DPF3: variants seen among roughly 807,000 people sequenced by gnomAD.
DPF3 encodes the protein double PHD fingers 3, also known as zinc finger protein DPF3.
DPF3 carries 18 observed loss-of-function variants against 56.8 expected under a neutral mutation model. The observed-to-expected ratio is 0.32, with a 90% CI of 0.22 to 0.47. DPF3 has a LOEUF of 0.47. DPF3 is among the 20% of genes least tolerant of loss of function. DPF3 has a pLI of 1.00. For synonymous variants in DPF3, 188 were observed against 180.2 expected (o/e 1.04, Z -0.35); for missense variants, 403 against 488.8 (o/e 0.82, Z 1.65).
intron 6 of DPF3, among the ~76,000 whole-genome samples, chr14:72,706,287 C>G (rs1888400724): frequency 1.3e-5 from 2 of 152,210 alleles, no homozygotes; most frequent in African/African-American, 4.8e-5. Context: ...CGGGGCTGCA[C>G]TCTCTGACAC....
At chr14:72,882,596 C>T (rs967727500) in intron 1 of DPF3, among the ~76,000 whole-genome samples, 1 of 152,206 alleles carries the variant, frequency 6.6e-6, no homozygotes, top group African/African-American at 2.4e-5. Flanking sequence ...TGGACAGAAG[C>T]AGCCGCCTGT....
chr14:72,783,025 T>C (rs1471216975), intron 1 of DPF3, among the ~76,000 whole-genome samples: 1 of 152,002 alleles, frequency 6.6e-6, no homozygotes, highest in Non-Finnish European at 1.5e-5. Flanking sequence ...CTCACTGCAC[T>C]CCTTTCTGTT....
At chr14:72,651,764 T>C (rs1885915886) in intron 8 of DPF3, among the ~76,000 whole-genome samples, 1 of 152,162 alleles carries the variant, frequency 6.6e-6, no homozygotes, top group Non-Finnish European at 1.5e-5. Flanking sequence ...AGGGTCTTTT[T>C]TGCTCTCCTC....
At chr14:72,669,124 G>A (rs1313732477) in intron 8 of DPF3, among the ~76,000 whole-genome samples, 1 of 152,184 alleles carries the variant, frequency 6.6e-6, no homozygotes, top group Non-Finnish European at 1.5e-5. Flanking sequence ...TGAGAAAAGT[G>A]GAAGCCCTTT....
In DPF3 at chr14:72,746,570, G is replaced by C. The variant is rs932535766; in HGVS notation, c.301+6694C>G. ...AGGTGCTCTGCCATGTGACAGTCAC[G>C]CATTCCAGCCCCGGCTGTTCATTGC... On this transcript the variant is annotated intron_variant, in intron 3 of 10. Transcript: ENST00000556509. 2.0e-5 allele frequency among the ~76,000 whole-genome samples: 3 copies of C among 152,178 alleles called. No homozygotes were observed. In the South Asian group the frequency reaches 6.2e-4, roughly 31 times the overall value.
chr14:72,713,517 G>A (rs970997390), intron 6 of DPF3, among the ~76,000 whole-genome samples: 4 of 152,188 alleles, frequency 2.6e-5, no homozygotes, highest in Admixed American at 6.5e-5. Context: ...GTCCAGCCTC[G>A]ACTGTTTCAC....
At chr14:72,715,889 G>A (rs776087581) in intron 5 of DPF3, among the ~76,000 whole-genome samples, 14 of 86,990 alleles carry the variant, frequency 1.6e-4, no homozygotes, top group East Asian at 3.4e-4. Flanking sequence ...TCCTCCCCTC[G>A]CCCTCATTAC....
chr14:72,658,431 G>A (rs974903902), intron 8 of DPF3, among the ~76,000 whole-genome samples: 1 of 152,014 alleles, frequency 6.6e-6, no homozygotes, highest in African/African-American at 2.4e-5. Context: ...CTCAAATATG[G>A]TTCTAGTTAC....
intron 1 of DPF3, among the ~76,000 whole-genome samples, chr14:72,813,284 C>T (rs762338578): frequency 7.9e-5 from 12 of 152,066 alleles, no homozygotes; most frequent in Non-Finnish European, 1.5e-4. Flanking sequence ...GTGGCAAGGC[C>T]GTGCTGCTCA....
intron 8 of DPF3, among the ~76,000 whole-genome samples, chr14:72,667,309 G>GA (rs1047587341): frequency 1.3e-5 from 2 of 152,034 alleles, no homozygotes; most frequent in African/African-American, 2.4e-5. Context: ...TCTAGGTAGG[G>GA]AAAAAAATCA....
At chr14:72,628,148 G>A (rs753606322) in intron 9 of DPF3, among the ~76,000 whole-genome samples, 1 of 151,892 alleles carries the variant, frequency 6.6e-6, no homozygotes, top group African/African-American at 2.4e-5. Flanking sequence ...GAATAGTGTC[G>A]AATCATAGTT....
chr14:72,828,585 G>T (rs991524354), intron 1 of DPF3, among the ~76,000 whole-genome samples: 1 of 146,970 alleles, frequency 6.8e-6, no homozygotes, highest in Non-Finnish European at 1.5e-5. Context: ...GAAAAGAGAG[G>T]AAAGGGGATT....
chr14:72,804,731 T>C (rs1893022531), intron 1 of DPF3, among the ~76,000 whole-genome samples: 1 of 152,140 alleles, frequency 6.6e-6, no homozygotes, highest in Admixed American at 6.5e-5. Context: ...TTGAATCTGA[T>C]TCAACTGAGT....
chr14:72,749,626 C>T (rs1890478045), intron 3 of DPF3, among the ~76,000 whole-genome samples: 1 of 152,196 alleles, frequency 6.6e-6, no homozygotes, highest in South Asian at 2.1e-4. Flanking sequence ...CCCCTAATTC[C>T]CACGTTGTGG....
chr14:72,855,396 T>A (rs1231137772), intron 1 of DPF3, among the ~76,000 whole-genome samples: 1 of 152,256 alleles, frequency 6.6e-6, no homozygotes, highest in Non-Finnish European at 1.5e-5. Flanking sequence ...TAGCCCATTA[T>A]GAGTGGCTCC....
At chr14:72,771,004 C>T (rs998529764) in intron 2 of DPF3, among the ~76,000 whole-genome samples, 2 of 151,918 alleles carry the variant, frequency 1.3e-5, no homozygotes, top group South Asian at 2.1e-4. Context: ...GGTGAAACCC[C>T]GTCTCTACTA....
intron 1 of DPF3, among the ~76,000 whole-genome samples, chr14:72,804,570 G>C (rs527842536): frequency 6.6e-6 from 1 of 152,150 alleles, no homozygotes; most frequent in Non-Finnish European, 1.5e-5. Context: ...TTCTTTCATG[G>C]AATTGATAGA....
chr14:72,892,822 G>C (rs1190014142), intron 1 of DPF3, among the ~76,000 whole-genome samples: 1 of 152,186 alleles, frequency 6.6e-6, no homozygotes, highest in Non-Finnish European at 1.5e-5. Context: ...CGGATACGGA[G>C]GGAGCCACCC....
intron 1 of DPF3, among the ~76,000 whole-genome samples, chr14:72,860,765 C>G (rs1350888760): frequency 6.6e-6 from 1 of 151,078 alleles, no homozygotes; most frequent in Non-Finnish European, 1.5e-5. Flanking sequence ...GGGGTTTCAC[C>G]ATGTTGGCCA....
Sources: allele counts gnomAD v4.1 joint callset (sites outside exome capture counted in the v4.1 genomes callset), GRCh38; gene constraint gnomAD v4.1.1; transcripts MANE v1.5; gene names NCBI Gene and HGNC (gene_info 2026-07-23, HGNC 2026-07-21).